Variants in CSRP3 observed in about 807,000 individuals in gnomAD.
The protein encoded by CSRP3 is cysteine and glycine-rich protein 3.
In CSRP3, 24 loss-of-function variants were observed where a neutral mutation model predicts 24.3. The ratio of observed to expected loss-of-function variants is 0.99; its 90% CI spans 0.71 to 1.39. The LOEUF (loss-of-function observed/expected upper bound fraction) is 1.39, where lower values mean the gene tolerates loss of function less well. CSRP3 is among the 40% of genes most tolerant of loss of function. The pLI is 0.00. For synonymous variants in CSRP3, 105 were observed against 94.0 expected (o/e 1.12, Z -0.68); for missense variants, 240 against 249.0 (o/e 0.96, Z 0.24).
At chr11:19,183,757 T>C (rs1456744268) in intron 5 of CSRP3, among the ~76,000 whole-genome samples, 1 of 152,184 alleles carries the variant, frequency 6.6e-6, no homozygotes. Flanking sequence ...TCCTGTGTCA[T>C]CACAGGAAAA....
At chr11:19,188,389 A>AT in intron 2 of CSRP3, 85 bp from the exon 3 acceptor site, 1 of 1,493,846 alleles carries the variant, frequency 6.7e-7, no homozygotes, top group Non-Finnish European at 9.2e-7. Flanking sequence ...TCGGGGCCAG[A>AT]GACCCAGCAT....
chr11:19,190,812 C>T (rs1369351001), intron 2 of CSRP3, among the ~76,000 whole-genome samples: 5 of 152,174 alleles, frequency 3.3e-5, no homozygotes, highest in Non-Finnish European at 7.3e-5. Flanking sequence ...TTCTACCCAT[C>T]GTTCCTGAAA....
intron 2 of CSRP3, among the ~76,000 whole-genome samples, chr11:19,189,526 A>G (rs376965902): frequency 2.1e-3 from 320 of 152,338 alleles, no homozygotes; most frequent in African/African-American, 7.2e-3. Flanking sequence ...TTTCCATCAA[A>G]TGATCCCTAT....
chr11:19,193,481 T>A (rs1335376826), intron 1 of CSRP3, among the ~76,000 whole-genome samples: 1 of 152,172 alleles, frequency 6.6e-6, no homozygotes, highest in African/African-American at 2.4e-5. Flanking sequence ...CAGGATTACA[T>A]TTAAGAGATA....
intron 1 of CSRP3, chr11:19,196,847 T>C (rs924658189): frequency 2.0e-5 from 3 of 152,186 alleles, no homozygotes; most frequent in Admixed American, 6.5e-5. Context: ...TTTACGAGGA[T>C]GAGATAGAAT....
rs1850565280 is a variant in CSRP3 at position 19,188,435 on chromosome 11, C to T, written c.113-131G>A. 10 of 853,826 alleles carry T rather than the reference C, an allele frequency of 1.2e-5. No individual in the cohort carries two copies. The South Asian group carries it at 1.4e-4, about 12-fold the overall frequency. The allele number at this position is 853,826 out of a possible 1,614,324, so 52.9% of individuals were successfully genotyped here. A position where few individuals can be genotyped will look rare whatever the true frequency, so the allele number is the denominator to read the frequency against. On this transcript the variant is annotated intron_variant, in intron 2 of 5. Transcript: ENST00000265968. ...TGAGCCAAGAATACAATGTTGATTC[C>T]TGACCAGAGTATCTGCCCTGAGTTG...
Position 19,182,720 on chromosome 11 carries a change from T to C in CSRP3, c.535A>G (p.Thr179Ala), listed in dbSNP as rs397516859. 43 of 1,614,052 alleles carry C rather than the reference T, an allele frequency of 2.7e-5. No individual in the cohort carries two copies. Among genetic ancestry groups the C allele is most frequent in the Non-Finnish European group, 3.4e-5 (40 of 1,180,024 alleles). The change falls in exon 6 of 6, where the codon ACG becomes GCG. Residue 179 changes from threonine to alanine, a missense_variant. Physicochemically the swap from Thr to Ala is moderately conservative, Grantham distance 58 (BLOSUM62 0). Coordinates refer to ENST00000265968, the MANE Select transcript of CSRP3 (RefSeq NM_003476.5). ...GTAAGGCCTCCAAACCCAATACCCG[T>C]GGGGCCAAAATTTTTGGCATAGCAA... ...KVCYAKNFGP[T>A]GIGFGGLTQQ...
intron 2 of CSRP3, among the ~76,000 whole-genome samples, chr11:19,188,613 A>AGTGTATGT (rs553558392): frequency 7.1e-6 from 1 of 140,874 alleles, no homozygotes; most frequent in Non-Finnish European, 1.5e-5. Flanking sequence ...ACATCAGGGA[A>AGTGTATGT]GTGTGTGTGT....
rs1440952108 is a variant in CSRP3, at chr11:19,192,465, T to C, written c.-17A>G. 1 of 1,598,364 alleles carries C rather than the reference T, an allele frequency of 6.3e-7. No homozygotes were observed. Among genetic ancestry groups the C allele is most frequent in the Non-Finnish European group, 8.6e-7 (1 of 1,165,694 alleles). On this transcript the variant is annotated 5_prime_UTR_variant, in exon 2 of 6. Coordinates refer to ENST00000265968, the MANE Select transcript of CSRP3 (RefSeq NM_003476.5). ...GTTTGGCATCTTGAAGACTATCTGGTCAAGGTCAAGTCTAAGGGGACATAA... is the reference window on the plus strand; with the variant it reads ...GTTTGGCATCTTGAAGACTATCTGGCCAAGGTCAAGTCTAAGGGGACATAA...
At chr11:19,191,056 G>A (rs1850605544) in intron 2 of CSRP3, among the ~76,000 whole-genome samples, 2 of 152,146 alleles carry the variant, frequency 1.3e-5, no homozygotes, top group Admixed American at 6.5e-5. Context: ...CTAGAAGGCT[G>A]GATTTCCATA....
Position 19,182,707 on chromosome 11 carries a change from A to G in CSRP3, c.548T>C (p.Phe183Ser). ...AKNFGPTGIGFGGLTQQVEKK... is the reference protein window; with the variant it reads ...AKNFGPTGIGSGGLTQQVEKK... ...TTCCACTTGTTGTGTAAGGCCTCCA[A>G]ACCCAATACCCGTGGGGCCAAAATT... Residue 183 changes from phenylalanine to serine, a missense_variant, in exon 6 of 6, where the codon TTT becomes TCT. By Grantham distance (155) the Phe-to-Ser change is radical (BLOSUM62 -2). Coordinates refer to ENST00000265968, the MANE Select transcript of CSRP3 (RefSeq NM_003476.5). The G allele has an allele frequency of 6.2e-7, 1 of 1,614,198 alleles. No homozygotes were observed. The highest frequency in any genetic ancestry group is 8.5e-7 in the Non-Finnish European group (1 of 1,180,030).
intron 4 of CSRP3, among the ~76,000 whole-genome samples, chr11:19,185,632 C>G (rs1850512853): frequency 6.6e-6 from 1 of 152,152 alleles, no homozygotes; most frequent in African/African-American, 2.4e-5. Context: ...TTAGATGCTC[C>G]CCACGGCCCT....
intron 3 of CSRP3, 91 bp from the exon 4 acceptor site, chr11:19,186,439 G>T (rs111717102): frequency 2.7e-6 from 4 of 1,461,516 alleles, no homozygotes; most frequent in Non-Finnish European, 3.8e-6. Context: ...CCTCACTTCC[G>T]TGTGTCTCAG....
At chr11:19,197,388 C>CCCTTCCTTCCTTCCTT (rs869090928) in intron 1 of CSRP3, among the ~76,000 whole-genome samples, 2 of 10,858 alleles carry the variant, frequency 1.8e-4, no homozygotes, top group East Asian at 2.5e-3. Flanking sequence ...CTCCCTCCCT[C>CCCTTCCTTCCTTCCTT]CCTTCCTTCC....
At chr11:19,191,223 T>G (rs7123240) in intron 2 of CSRP3, among the ~76,000 whole-genome samples, 151,131 of 152,344 alleles carry the variant, frequency 0.99, 74,972 homozygotes, top group Middle Eastern at 1. Flanking sequence ...CGAATCCCTT[T>G]TACTCTAATT....
At chr11:19,190,316 C>T (rs1044175679) in intron 2 of CSRP3, among the ~76,000 whole-genome samples, 3 of 152,216 alleles carry the variant, frequency 2.0e-5, no homozygotes, top group Non-Finnish European at 4.4e-5. Flanking sequence ...GAGAACTGTG[C>T]TGTCCAGTGC....
rs769677095 is a variant in CSRP3 at position 19,192,436 on chromosome 11, C to G, written c.13G>C (p.Gly5Arg). The stretch of plus-strand genomic sequence containing the variant: ...CAGGCTCCACATTTTGCGCCTCCGC[C>G]CCAGTTTGGCATCTTGAAGACTATC... MPNW[G>R]GGAKCGACEK... The change falls in exon 2 of 6, where the codon GGC becomes CGC. Residue 5 changes from glycine to arginine, a missense_variant. By Grantham distance (125) the Gly-to-Arg change is moderately radical (BLOSUM62 -2). Coordinates refer to ENST00000265968, the MANE Select transcript of CSRP3 (RefSeq NM_003476.5). The G allele has an allele frequency of 3.7e-6, 6 of 1,613,946 alleles. No individual in the cohort carries two copies. The highest frequency in any genetic ancestry group is 5.1e-6 in the Non-Finnish European group (6 of 1,179,958).
chr11:19,195,876 A>ATTT (rs1432077098), intron 1 of CSRP3, among the ~76,000 whole-genome samples: 1 of 152,258 alleles, frequency 6.6e-6, no homozygotes, highest in Non-Finnish European at 1.5e-5. Flanking sequence ...TAAGTACTCT[A>ATTT]TTAATGATGC....
intron 1 of CSRP3, 61 bp from the exon 2 acceptor site, chr11:19,192,537 A>C (rs1850633933): frequency 7.8e-6 from 8 of 1,019,474 alleles, no homozygotes; most frequent in Non-Finnish European, 1.2e-5. Flanking sequence ...ACCAATCTCT[A>C]AGAGTGCAGT....
Sources: gnomAD v4.1 joint callset for allele counts (sites outside exome capture counted in the v4.1 genomes callset) on GRCh38, gnomAD v4.1.1 for gene constraint, MANE v1.5 for transcripts, NCBI Gene and HGNC (gene_info 2026-07-23, HGNC 2026-07-21) for gene names.